CCR3: variants seen among roughly 807,000 people sequenced by gnomAD.
CCR3 encodes the protein C-C motif chemokine receptor 3.
For synonymous variants in CCR3, 203 were observed against 179.2 expected, an observed-to-expected ratio of 1.13 and a Z score of -1.06; for missense variants, 419 against 437.5, an observed-to-expected ratio of 0.96 and a Z score of 0.38.
intron 2 of CCR3, among the ~76,000 whole-genome samples, chr3:46,222,764 TAGTG>T (rs1368741327): frequency 1.3e-5 from 2 of 152,164 alleles, no homozygotes; most frequent in East Asian, 1.9e-4. Context: ...ACGTTTAAAA[TAGTG>T]AGAGTAATAT....
chr3:46,255,270 A>T (rs1005161375), intron 1 of CCR3, among the ~76,000 whole-genome samples: 11 of 151,794 alleles, frequency 7.2e-5, no homozygotes, highest in African/African-American at 2.7e-4. Flanking sequence ...GATTTGTTTG[A>T]GTTCCTTGTA....
At chr3:46,250,867 T>C (rs1050312608) in intron 1 of CCR3, among the ~76,000 whole-genome samples, 6 of 150,072 alleles carry the variant, frequency 4.0e-5, no homozygotes, top group African/African-American at 4.9e-5. Flanking sequence ...AAATAAGGGA[T>C]TGGGGCACAG....
chr3:46,262,613 G>A (rs1371023674), intron 1 of CCR3, among the ~76,000 whole-genome samples: 1 of 152,026 alleles, frequency 6.6e-6, no homozygotes, highest in African/African-American at 2.4e-5. Context: ...GTAGACAGGT[G>A]AAAACCATAT....
intron 2 of CCR3, among the ~76,000 whole-genome samples, chr3:46,216,593 G>A (rs752379766): frequency 2.6e-5 from 4 of 152,052 alleles, no homozygotes; most frequent in Admixed American, 6.6e-5. Flanking sequence ...GCTGTGAGGC[G>A]AAAACCTCAG....
chr3:46,225,947 C>T (rs1559526100), intron 2 of CCR3, among the ~76,000 whole-genome samples: 1 of 152,142 alleles, frequency 6.6e-6, no homozygotes, highest in Non-Finnish European at 1.5e-5. Flanking sequence ...AAGACTATCC[C>T]TCCATTTAAT....
intron 1 of CCR3, among the ~76,000 whole-genome samples, chr3:46,250,400 G>T (rs1242274002): frequency 6.6e-6 from 1 of 152,052 alleles, no homozygotes; most frequent in Non-Finnish European, 1.5e-5. Context: ...GCGATGCTTG[G>T]GGTTGGGACT....
chr3:46,228,117 C>A (rs1208536321), intron 2 of CCR3, among the ~76,000 whole-genome samples: 1 of 151,472 alleles, frequency 6.6e-6, no homozygotes, highest in Non-Finnish European at 1.5e-5. Flanking sequence ...ACATTTCTGT[C>A]TTTCCTTCCC....
chr3:46,215,091 G>T (rs1348090482), intron 2 of CCR3, among the ~76,000 whole-genome samples: 1 of 152,132 alleles, frequency 6.6e-6, no homozygotes. Context: ...GGTCAGGCAG[G>T]AATGAAGAGC....
At chr3:46,245,188 T>C (rs1467018372) in intron 1 of CCR3, among the ~76,000 whole-genome samples, 2 of 151,948 alleles carry the variant, frequency 1.3e-5, no homozygotes, top group Non-Finnish European at 2.9e-5. Context: ...TTCTGGGAAA[T>C]GTTTGTGGCT....
In CCR3 at chr3:46,266,030, A is replaced by G. The variant is rs200573373; in HGVS notation, c.872A>G (p.Tyr291Cys). 1.5e-5 allele frequency: 24 copies of G among 1,613,484 alleles called. No homozygotes were observed. Among genetic ancestry groups the G allele is most frequent in the Non-Finnish European group, 2.0e-5 (24 of 1,179,904 alleles). ...LVMLVTEVIA[Y>C]SHCCMNPVIY... ...ATGCTGGTGACAGAGGTGATCGCCT[A>G]CTCCCACTGCTGCATGAACCCGGTG... The change falls in exon 2 of 2, where the codon TAC becomes TGC. Residue 291 changes from tyrosine to cysteine, a missense_variant. Tyr to Cys is a radical substitution (Grantham distance 194). Coordinates refer to ENST00000395940, the MANE Select transcript of CCR3 (RefSeq NM_178329.3).
At chr3:46,243,582 A>G (rs2125927651) in intron 1 of CCR3, among the ~76,000 whole-genome samples, 1 of 152,268 alleles carries the variant, frequency 6.6e-6, no homozygotes, top group South Asian at 2.1e-4. Flanking sequence ...TTGACAGAGG[A>G]TGAGTGTTAA....
intron 2 of CCR3, among the ~76,000 whole-genome samples, chr3:46,224,927 C>A (rs1165349486): frequency 6.6e-6 from 1 of 152,106 alleles, no homozygotes; most frequent in Non-Finnish European, 1.5e-5. Context: ...TGTGACCCAG[C>A]AATTCTACTT....
In CCR3 at chr3:46,264,395, G is replaced by A. The variant is rs1333175784; in HGVS notation, c.-11-753G>A. ...GTGTATTTTTTTCACAGCTGCTGTG[G>A]ATTGGATTATGCCATTTGGAATAAG... On this transcript the variant is annotated intron_variant, in intron 1 of 1. Transcript: ENST00000395940. 11 of 1,530,848 alleles carry A rather than the reference G, an allele frequency of 7.2e-6. No homozygotes were observed. The Admixed American group carries it at 2.2e-4, about 30-fold the overall frequency. The allele number at this position is 1,530,848 out of a possible 1,614,324, so 94.8% of individuals were successfully genotyped here. A position where few individuals can be genotyped will look rare whatever the true frequency, so the allele number is the denominator to read the frequency against.
intron 2 of CCR3, among the ~76,000 whole-genome samples, chr3:46,214,758 G>T (rs1432759565): frequency 6.6e-6 from 1 of 152,152 alleles, no homozygotes; most frequent in African/African-American, 2.4e-5. Flanking sequence ...AATGGATGCT[G>T]CAGGGCAGTG....
chr3:46,264,337 TTACTGTGATTGTACATG>T, intron 1 of CCR3: 1 of 1,020,180 alleles, frequency 9.8e-7, no homozygotes, highest in Non-Finnish European at 1.5e-6. Flanking sequence ...TAATAGTTAA[TTACTGTGATTGTACATG>T]TGTAACAGAC....
intron 1 of CCR3, among the ~76,000 whole-genome samples, chr3:46,250,530 C>G (rs1479035781): frequency 6.6e-6 from 1 of 152,010 alleles, no homozygotes; most frequent in Non-Finnish European, 1.5e-5. Flanking sequence ...GACCATTTGC[C>G]TATTTTAAGA....
At chr3:46,233,490 A>G (rs185111596) in intron 2 of CCR3, among the ~76,000 whole-genome samples, 7 of 151,848 alleles carry the variant, frequency 4.6e-5, no homozygotes, top group Admixed American at 4.6e-4. Flanking sequence ...CCATGTTCCC[A>G]TACTCCTAAG....
chr3:46,218,551 C>T (rs55654291), intron 2 of CCR3, among the ~76,000 whole-genome samples: 1 of 152,044 alleles, frequency 6.6e-6, no homozygotes, highest in African/African-American at 2.4e-5. Context: ...ATCAATATCC[C>T]TCATGAATGT....
chr3:46,227,471 C>T (rs187505408), intron 2 of CCR3, among the ~76,000 whole-genome samples: 2 of 151,964 alleles, frequency 1.3e-5, no homozygotes, highest in African/African-American at 2.4e-5. Flanking sequence ...TCTTGCATCC[C>T]TTGTGATGGA....
Sources: gnomAD v4.1 joint callset for allele counts (sites outside exome capture counted in the v4.1 genomes callset) on GRCh38, gnomAD v4.1.1 for gene constraint, MANE v1.5 for transcripts, NCBI Gene and HGNC (gene_info 2026-07-23, HGNC 2026-07-21) for gene names.